FAF1: variants seen among roughly 807,000 people sequenced by gnomAD.
The protein encoded by FAF1 is FAS-associated factor 1.
In FAF1, 25 loss-of-function variants were observed where a neutral mutation model predicts 92.5. The ratio of observed to expected loss-of-function variants is 0.27; its 90% CI spans 0.20 to 0.38. FAF1 has a LOEUF of 0.38. Ranked by LOEUF, FAF1 falls within the 10% of genes least tolerant of loss-of-function variation. FAF1 has a pLI of 1.00. For synonymous variants in FAF1, 234 were observed against 273.2 expected, an observed-to-expected ratio of 0.86 and a Z score of 1.42; for missense variants, 636 against 793.3, an observed-to-expected ratio of 0.80 and a Z score of 2.38.
chr1:50,950,922 T>C (rs1266969720), intron 1 of FAF1, among the ~76,000 whole-genome samples: 3 of 152,186 alleles, frequency 2.0e-5, no homozygotes, highest in South Asian at 2.1e-4. Flanking sequence ...AACACTCTTA[T>C]ATGTACCTGG....
chr1:50,549,004 A>T (rs1649164169), intron 13 of FAF1, among the ~76,000 whole-genome samples: 1 of 152,210 alleles, frequency 6.6e-6, no homozygotes, highest in African/African-American at 2.4e-5. Context: ...CTTCAGAGTC[A>T]AAATTGGTTT....
intron 1 of FAF1, among the ~76,000 whole-genome samples, chr1:50,858,432 G>A (rs1644407109): frequency 6.6e-6 from 1 of 151,686 alleles, no homozygotes; most frequent in Non-Finnish European, 1.5e-5. Flanking sequence ...CTAGATCTGT[G>A]CTGTCTGATA....
chr1:50,825,826 A>G (rs1644091797), intron 2 of FAF1, among the ~76,000 whole-genome samples: 1 of 152,206 alleles, frequency 6.6e-6, no homozygotes, highest in African/African-American at 2.4e-5. Flanking sequence ...TACATTTTCT[A>G]AACAAAGTGG....
chr1:50,645,351 A>G (rs1285119875), intron 8 of FAF1, among the ~76,000 whole-genome samples: 3 of 152,244 alleles, frequency 2.0e-5, no homozygotes, highest in African/African-American at 7.2e-5. Flanking sequence ...TACTCAAGGG[A>G]AAGAGAGTTA....
chr1:50,756,150 C>T (rs755647411), intron 4 of FAF1, among the ~76,000 whole-genome samples: 1 of 152,194 alleles, frequency 6.6e-6, no homozygotes, highest in African/African-American at 2.4e-5. Context: ...TACAAATTTT[C>T]TGAACTTACA....
chr1:50,764,362 C>T (rs1660483830), intron 4 of FAF1, among the ~76,000 whole-genome samples: 2 of 152,128 alleles, frequency 1.3e-5, no homozygotes, highest in Admixed American at 6.6e-5. Flanking sequence ...CGTACTCAAT[C>T]GTGTAGAGAT....
intron 2 of FAF1, among the ~76,000 whole-genome samples, chr1:50,827,355 G>A (rs1462777517): frequency 6.6e-6 from 1 of 152,140 alleles, no homozygotes; most frequent in Non-Finnish European, 1.5e-5. Context: ...TCTGAAACAT[G>A]TGCTGTGTCA....
At chr1:50,702,291 A>T (rs1295735856) in intron 7 of FAF1, among the ~76,000 whole-genome samples, 1 of 152,222 alleles carries the variant, frequency 6.6e-6, no homozygotes, top group East Asian at 1.9e-4. Flanking sequence ...ATTAGTGAGA[A>T]TTACTAGAAT....
In FAF1 at chr1:50,801,688, GA is replaced by G; in HGVS notation, c.115-12del. ...ACCATTGATAGCTGCCTGCAAACAA[GA>G]AACAGAGAAGGCCATTTAAAGAAAC... On this transcript the variant is annotated splice_polypyrimidine_tract_variant and intron_variant, in intron 2 of 18. Transcript: ENST00000396153. 1 of 1,565,934 alleles carries G rather than the reference GA, an allele frequency of 6.4e-7. No individual in the cohort carries two copies. Among genetic ancestry groups the G allele is most frequent in the Non-Finnish European group, 8.8e-7 (1 of 1,136,906 alleles).
intron 6 of FAF1, among the ~76,000 whole-genome samples, chr1:50,714,426 T>C (rs1055250746): frequency 2.0e-5 from 3 of 151,542 alleles, no homozygotes; most frequent in Non-Finnish European, 2.9e-5. Flanking sequence ...GGCAGGAGAA[T>C]CTCTTGAACC....
At chr1:50,559,961 T>C (rs1431168350) in intron 13 of FAF1, among the ~76,000 whole-genome samples, 1 of 152,226 alleles carries the variant, frequency 6.6e-6, no homozygotes, top group African/African-American at 2.4e-5. Flanking sequence ...ACGAAGGCTC[T>C]CCTGAAGTCT....
At chr1:50,714,208 T>C (rs550800982) in intron 6 of FAF1, among the ~76,000 whole-genome samples, 7 of 151,860 alleles carry the variant, frequency 4.6e-5, no homozygotes, top group East Asian at 1.9e-4. Flanking sequence ...ATAGAAATAT[T>C]TGCATTATCT....
At chr1:50,651,482 G>C (rs1654862251) in intron 8 of FAF1, among the ~76,000 whole-genome samples, 1 of 151,894 alleles carries the variant, frequency 6.6e-6, no homozygotes, top group South Asian at 2.1e-4. Flanking sequence ...GATATCTAAG[G>C]CTACTGTATA....
At chr1:50,680,259 T>A (rs1164335946) in intron 7 of FAF1, among the ~76,000 whole-genome samples, 1 of 152,228 alleles carries the variant, frequency 6.6e-6, no homozygotes, top group South Asian at 2.1e-4. Flanking sequence ...TTTTGGTTTG[T>A]TCCCTGCTAT....
At chr1:50,953,014 G>A in intron 1 of FAF1, among the ~76,000 whole-genome samples, 1 of 152,262 alleles carries the variant, frequency 6.6e-6, no homozygotes, top group Non-Finnish European at 1.5e-5. Flanking sequence ...GTAGAAAGAA[G>A]TAGACATAGG....
At chr1:50,692,854 G>A (rs954607848) in intron 7 of FAF1, among the ~76,000 whole-genome samples, 2 of 152,006 alleles carry the variant, frequency 1.3e-5, no homozygotes, top group Non-Finnish European at 2.9e-5. Context: ...CTTATTGGCT[G>A]TTTGCATATC....
At chr1:50,663,184 G>GAAA (rs1028507336) in intron 7 of FAF1, among the ~76,000 whole-genome samples, 11 of 150,846 alleles carry the variant, frequency 7.3e-5, no homozygotes, top group Non-Finnish European at 1.2e-4. Flanking sequence ...GATTATAACT[G>GAAA]AAAAAAAAGG....
intron 8 of FAF1, among the ~76,000 whole-genome samples, chr1:50,621,772 G>T (rs1445358088): frequency 6.6e-6 from 1 of 152,108 alleles, no homozygotes; most frequent in East Asian, 1.9e-4. Flanking sequence ...GAGCCCTGGA[G>T]GGTGGGTGTC....
At chr1:50,673,086 C>T (rs561717431) in intron 7 of FAF1, among the ~76,000 whole-genome samples, 9 of 151,864 alleles carry the variant, frequency 5.9e-5, no homozygotes, top group Admixed American at 3.9e-4. Context: ...GGTGAAACAC[C>T]GTATCTACTA....
Sources: allele counts gnomAD v4.1 joint callset (sites outside exome capture counted in the v4.1 genomes callset), GRCh38; gene constraint gnomAD v4.1.1; transcripts MANE v1.5; gene names NCBI Gene and HGNC (gene_info 2026-07-23, HGNC 2026-07-21).